LRRN1: variants seen among roughly 807,000 people sequenced by gnomAD.
The protein encoded by LRRN1 is leucine rich repeat neuronal 1.
LRRN1 carries 14 observed loss-of-function variants against 45.8 expected under a neutral mutation model. The observed-to-expected ratio is 0.31, with a 90% CI of 0.20 to 0.48. LRRN1 has a LOEUF of 0.48. Among genes scored for constraint, LRRN1 ranks in the 20% least tolerant of loss-of-function variants. The probability of loss-of-function intolerance (pLI) is 0.99; values close to 1 mark genes in which losing one functional copy is unlikely to be tolerated. For synonymous variants in LRRN1, 359 were observed against 330.1 expected, an observed-to-expected ratio of 1.09 and a Z score of -0.95; for missense variants, 789 against 874.2, an observed-to-expected ratio of 0.90 and a Z score of 1.23.
intron 1 of LRRN1, among the ~76,000 whole-genome samples, chr3:3,842,434 G>GT (rs1206092391): frequency 1.3e-5 from 2 of 151,462 alleles, no homozygotes; most frequent in African/African-American, 4.9e-5. Flanking sequence ...CAGTAATGCA[G>GT]TTTTCATATT....
At chr3:3,833,999 G>A (rs745312407) in intron 1 of LRRN1, among the ~76,000 whole-genome samples, 3 of 152,054 alleles carry the variant, frequency 2.0e-5, no homozygotes, top group African/African-American at 2.4e-5. Flanking sequence ...TCACCCACTC[G>A]CATGATAAGA....
intron 1 of LRRN1, chr3:3,804,027 A>G (rs931570553): frequency 6.6e-6 from 1 of 152,234 alleles, no homozygotes; most frequent in Non-Finnish European, 1.5e-5. Flanking sequence ...ATATTATCCA[A>G]TAATTAAAAT....
At chr3:3,813,397 T>C (rs1042853716) in intron 1 of LRRN1, among the ~76,000 whole-genome samples, 3 of 152,204 alleles carry the variant, frequency 2.0e-5, no homozygotes, top group Non-Finnish European at 2.9e-5. Flanking sequence ...CATCTTTGTA[T>C]TGACTTATAA....
intron 1 of LRRN1, among the ~76,000 whole-genome samples, chr3:3,829,140 C>T (rs1693306460): frequency 6.6e-6 from 1 of 152,086 alleles, no homozygotes; most frequent in East Asian, 1.9e-4. Context: ...CCTAATGGAT[C>T]TCCTGTATTC....
chr3:3,829,407 A>T (rs1359668349), intron 1 of LRRN1, among the ~76,000 whole-genome samples: 1 of 152,016 alleles, frequency 6.6e-6, no homozygotes, highest in Non-Finnish European at 1.5e-5. Flanking sequence ...AGGAAACAAA[A>T]ATTTTGCTAG....
In LRRN1 at chr3:3,801,793, A is replaced by G. The variant is rs111677642; in HGVS notation, c.-279+1874A>G. On this transcript the variant is annotated intron_variant, in intron 1 of 1. Transcript: ENST00000319331. ...TTACCTGGCTGTATATATTCGTGCAATATTCAAGCTGGATATTCTAAGCTA... is the reference window on the plus strand; with the variant it reads ...TTACCTGGCTGTATATATTCGTGCAGTATTCAAGCTGGATATTCTAAGCTA... Among the ~76,000 whole-genome samples the G allele has an allele frequency of 7.4e-3, 1,131 of 152,308 alleles. 11 individuals are homozygous for G. Among genetic ancestry groups the G allele is most frequent in the African/African-American group, 0.026 (1,074 of 41,556 alleles).
intron 1 of LRRN1, among the ~76,000 whole-genome samples, chr3:3,802,046 TGTCTAGCCAAA>T (rs1243547049): frequency 2.0e-5 from 3 of 152,364 alleles, no homozygotes; most frequent in African/African-American, 7.2e-5. Context: ...GAATGTCCAC[TGTCTAGCCAAA>T]GTCATTTCGG....
At chr3:3,829,480 T>A (rs535544143) in intron 1 of LRRN1, among the ~76,000 whole-genome samples, 135 of 152,148 alleles carry the variant, frequency 8.9e-4, no homozygotes, top group Non-Finnish European at 1.7e-3. Flanking sequence ...GACCCATGAA[T>A]TCTAGCTATG....
chr3:3,825,007 A>T (rs1030401924), intron 1 of LRRN1, among the ~76,000 whole-genome samples: 2 of 152,144 alleles, frequency 1.3e-5, no homozygotes, highest in African/African-American at 4.8e-5. Flanking sequence ...TGATCAGTTG[A>T]AGTCAAATCA....
intron 1 of LRRN1, among the ~76,000 whole-genome samples, chr3:3,833,670 T>C (rs916292173): frequency 7.9e-5 from 12 of 152,062 alleles, no homozygotes; most frequent in African/African-American, 2.4e-4. Flanking sequence ...GAATCAACAT[T>C]ATTTTGCCTG....
At chr3:3,839,247 G>C (rs1236806591) in intron 1 of LRRN1, among the ~76,000 whole-genome samples, 2 of 152,048 alleles carry the variant, frequency 1.3e-5, no homozygotes, top group African/African-American at 4.8e-5. Context: ...CACACAATTT[G>C]TTGAAGAAAC....
chr3:3,836,840 G>C (rs1331215462), intron 1 of LRRN1, among the ~76,000 whole-genome samples: 1 of 152,116 alleles, frequency 6.6e-6, no homozygotes, highest in African/African-American at 2.4e-5. Flanking sequence ...CACATAAGAA[G>C]GTTCATCAGT....
At chr3:3,828,963 C>T (rs1693298807) in intron 1 of LRRN1, among the ~76,000 whole-genome samples, 1 of 151,504 alleles carries the variant, frequency 6.6e-6, no homozygotes, top group Non-Finnish European at 1.5e-5. Flanking sequence ...TCAGCAAGCA[C>T]CTCAGCAGGT....
At chr3:3,829,620 G>A (rs943936528) in intron 1 of LRRN1, among the ~76,000 whole-genome samples, 2 of 152,142 alleles carry the variant, frequency 1.3e-5, no homozygotes, top group African/African-American at 4.8e-5. Context: ...CCATTCCACT[G>A]TTCTGTCAAT....
At chr3:3,820,895 A>T (rs1693089113) in intron 1 of LRRN1, among the ~76,000 whole-genome samples, 1 of 152,206 alleles carries the variant, frequency 6.6e-6, no homozygotes, top group Admixed American at 6.5e-5. Flanking sequence ...AGTGTGGCTT[A>T]GAGCAAAGCC....
At chr3:3,834,540 ATATATATATATATGATATATATATT>A (rs1693457093) in intron 1 of LRRN1, among the ~76,000 whole-genome samples, 2 of 113,504 alleles carry the variant, frequency 1.8e-5, no homozygotes, top group South Asian at 2.6e-4. Context: ...ATATATATAT[ATATATATATATATGATATATATATT>A]ATTATACATA....
intron 1 of LRRN1, among the ~76,000 whole-genome samples, chr3:3,804,543 A>G (rs946104347): frequency 2.6e-5 from 4 of 152,194 alleles, no homozygotes; most frequent in Admixed American, 6.5e-5. Context: ...TTTAAAATCT[A>G]TGGAGTGAAA....
Position 3,841,177 on chromosome 3 carries a change from G to A in LRRN1, c.-278-3187G>A, listed in dbSNP as rs192534723. 9.2e-5 allele frequency among the ~76,000 whole-genome samples: 14 copies of A among 151,510 alleles called. No homozygotes were observed. The East Asian group carries it at 2.4e-3, about 26-fold the overall frequency. On this transcript the variant is annotated intron_variant, in intron 1 of 1. Transcript: ENST00000319331. ...GTGGTGGCACGTGCCTGTAGTCCCA[G>A]CTACTCACAAGGCTAAGGCAGGAGA...
At chr3:3,826,161 C>G (rs1693210145) in intron 1 of LRRN1, among the ~76,000 whole-genome samples, 1 of 152,050 alleles carries the variant, frequency 6.6e-6, no homozygotes, top group African/African-American at 2.4e-5. Context: ...ATCTTTGTCA[C>G]AATCAAACTC....
Sources: gnomAD v4.1 joint callset for allele counts (sites outside exome capture counted in the v4.1 genomes callset) on GRCh38, gnomAD v4.1.1 for gene constraint, MANE v1.5 for transcripts, NCBI Gene and HGNC (gene_info 2026-07-23, HGNC 2026-07-21) for gene names.